Variants in CRPPA observed in about 807,000 individuals in gnomAD.
The protein encoded by CRPPA is CDP-L-ribitol pyrophosphorylase A.
In CRPPA, 43 loss-of-function variants were observed where a neutral mutation model predicts 52.0. The ratio of observed to expected loss-of-function variants is 0.83; its 90% CI spans 0.65 to 1.07. The LOEUF is 1.07. Ranked by LOEUF, CRPPA falls within the 50% of genes least tolerant of loss-of-function variation. The pLI is 0.00. For missense variants in CRPPA, 629 were observed against 551.7 expected (o/e 1.14, Z -1.40); for synonymous variants, 250 against 203.5 (o/e 1.23, Z -1.94).
intron 9 of CRPPA, among the ~76,000 whole-genome samples, chr7:16,208,616 A>C (rs540527177): frequency 6.6e-6 from 1 of 152,038 alleles, no homozygotes; most frequent in South Asian, 2.1e-4. Context: ...CCTCTTCTCA[A>C]CTCCTCCTAT....
intron 8 of CRPPA, among the ~76,000 whole-genome samples, chr7:16,239,889 A>T (rs1783059440): frequency 6.6e-6 from 1 of 152,208 alleles, no homozygotes; most frequent in Admixed American, 6.5e-5. Context: ...CATAAAACTT[A>T]GACAAAGTCC....
rs558185858 is a variant in CRPPA, at chr7:16,220,866, T to C, written c.1120-4669A>G. Among the ~76,000 whole-genome samples, 67 of 152,336 alleles carry C rather than the reference T, an allele frequency of 4.4e-4. No homozygotes were observed. In the South Asian group the frequency reaches 0.013, roughly 31 times the overall value. ...ATCAAAATCGTGAAAACGGCCATAC[T>C]GCCCAAGGTAATTTACAGATTCAAT... On this transcript the variant is annotated intron_variant, in intron 8 of 9. Coordinates refer to ENST00000407010, the MANE Select transcript of CRPPA (RefSeq NM_001101426.4).
At chr7:16,118,361 C>T (rs1782419722) in intron 9 of CRPPA, among the ~76,000 whole-genome samples, 1 of 152,290 alleles carries the variant, frequency 6.6e-6, no homozygotes, top group African/African-American at 2.4e-5. Context: ...ACATACTGTG[C>T]CTGCACTGCT....
chr7:16,192,851 C>T (rs1046294439), intron 9 of CRPPA, among the ~76,000 whole-genome samples: 3 of 152,092 alleles, frequency 2.0e-5, no homozygotes, highest in African/African-American at 7.2e-5. Flanking sequence ...ACCTTGACAC[C>T]TTTGTCAAAA....
chr7:16,371,809 T>A (rs1298924102), intron 3 of CRPPA, among the ~76,000 whole-genome samples: 1 of 152,034 alleles, frequency 6.6e-6, no homozygotes, highest in Non-Finnish European at 1.5e-5. Flanking sequence ...AAAGACTTTT[T>A]TTAAATCTAT....
intron 9 of CRPPA, among the ~76,000 whole-genome samples, chr7:16,112,979 A>T (rs993636980): frequency 6.6e-6 from 1 of 152,104 alleles, no homozygotes; most frequent in Non-Finnish European, 1.5e-5. Flanking sequence ...ACCCATTAGC[A>T]TCAAAATAAA....
intron 3 of CRPPA, among the ~76,000 whole-genome samples, chr7:16,357,905 A>T (rs1448424398): frequency 6.6e-6 from 1 of 152,160 alleles, no homozygotes. Context: ...CGTGGTCAGC[A>T]GGCCAAGGCT....
chr7:16,192,750 G>C (rs764972733), intron 9 of CRPPA, among the ~76,000 whole-genome samples: 1 of 152,118 alleles, frequency 6.6e-6, no homozygotes, highest in East Asian at 1.9e-4. Context: ...TGCATTAGGT[G>C]ATAGGTAGAG....
chr7:16,319,777 T>C (rs1785218118), intron 3 of CRPPA, among the ~76,000 whole-genome samples: 1 of 152,158 alleles, frequency 6.6e-6, no homozygotes, highest in South Asian at 2.1e-4. Context: ...TCAGTCCTTC[T>C]ACAGCATCCT....
chr7:16,274,621 T>C (rs927745479), intron 6 of CRPPA, among the ~76,000 whole-genome samples: 3 of 152,144 alleles, frequency 2.0e-5, no homozygotes, highest in African/African-American at 4.8e-5. Flanking sequence ...TTTTGAGGAA[T>C]GGTGATTTTC....
intron 8 of CRPPA, among the ~76,000 whole-genome samples, chr7:16,218,990 T>G (rs1387238727): frequency 6.6e-6 from 1 of 152,130 alleles, no homozygotes; most frequent in South Asian, 2.1e-4. Flanking sequence ...AGAATATACA[T>G]TTTTTTCAGC....
intron 3 of CRPPA, among the ~76,000 whole-genome samples, chr7:16,362,384 A>G (rs574192193): frequency 4.1e-4 from 63 of 152,288 alleles, no homozygotes; most frequent in African/African-American, 1.5e-3. Context: ...GTGTCCTCAC[A>G]TGGCAGAAGA....
At chr7:16,266,469 G>A (rs375969426) in intron 6 of CRPPA, among the ~76,000 whole-genome samples, 78 of 140,920 alleles carry the variant, frequency 5.5e-4, no homozygotes, top group Middle Eastern at 3.6e-3. Flanking sequence ...TAAGGCTCCC[G>A]TTTTTTGTTT....
chr7:16,313,795 C>T (rs1468373636), intron 3 of CRPPA, among the ~76,000 whole-genome samples: 1 of 151,716 alleles, frequency 6.6e-6, no homozygotes, highest in Non-Finnish European at 1.5e-5. Context: ...GTTTAGTCTA[C>T]AAGTATTTTT....
chr7:16,303,041 T>C (rs1038929649), intron 4 of CRPPA, among the ~76,000 whole-genome samples: 1 of 152,216 alleles, frequency 6.6e-6, no homozygotes, highest in African/African-American at 2.4e-5. Context: ...TTTCCAGTCA[T>C]ACTGCTTTTG....
chr7:16,350,829 A>T (rs1311651615), intron 3 of CRPPA, among the ~76,000 whole-genome samples: 1 of 152,174 alleles, frequency 6.6e-6, no homozygotes, highest in Non-Finnish European at 1.5e-5. Context: ...TTAATGGATA[A>T]AAGATCCAAC....
chr7:16,115,967 T>C (rs376278850), intron 9 of CRPPA, among the ~76,000 whole-genome samples: 5 of 152,104 alleles, frequency 3.3e-5, no homozygotes, highest in Non-Finnish European at 4.4e-5. Flanking sequence ...GAAAGAATGA[T>C]GGGAATAAAA....
intron 2 of CRPPA, among the ~76,000 whole-genome samples, chr7:16,387,270 A>G (rs1787312898): frequency 6.6e-6 from 1 of 151,452 alleles, no homozygotes; most frequent in East Asian, 1.9e-4. Flanking sequence ...AATATGCACA[A>G]TAACAGAACA....
chr7:16,335,569 A>C (rs1785661135), intron 3 of CRPPA, among the ~76,000 whole-genome samples: 1 of 152,234 alleles, frequency 6.6e-6, no homozygotes, highest in African/African-American at 2.4e-5. Context: ...CAGAGAGGAC[A>C]TCTGAAGTTG....
Sources: allele counts gnomAD v4.1 joint callset (sites outside exome capture counted in the v4.1 genomes callset), GRCh38; gene constraint gnomAD v4.1.1; transcripts MANE v1.5; gene names NCBI Gene and HGNC (gene_info 2026-07-23, HGNC 2026-07-21).